NCOR2: variants seen among roughly 807,000 people sequenced by gnomAD.
The protein encoded by NCOR2 is CTG repeat protein 26.
A neutral mutation model predicts 262.9 loss-of-function variants in NCOR2; 81 were observed. The ratio of observed to expected loss-of-function variants is 0.31; its 90% CI spans 0.26 to 0.37. NCOR2 has a LOEUF of 0.37. Among genes scored for constraint, NCOR2 ranks in the 10% least tolerant of loss-of-function variants. The pLI is 1.00. For synonymous variants in NCOR2, 1,659 were observed against 1,559.3 expected, an observed-to-expected ratio of 1.06 and a Z score of -1.51; for missense variants, 3,385 against 3,621.4, an observed-to-expected ratio of 0.93 and a Z score of 1.68.
intron 15 of NCOR2, among the ~76,000 whole-genome samples, chr12:124,400,053 C>A (rs1250934802): frequency 1.3e-5 from 2 of 152,030 alleles, no homozygotes; most frequent in Non-Finnish European, 2.9e-5. Context: ...ACAACAGCCA[C>A]CTCATGGGAA....
chr12:124,438,933 A>G (rs147282808), intron 7 of NCOR2, among the ~76,000 whole-genome samples: 1 of 37,164 alleles, frequency 2.7e-5, no homozygotes, highest in African/African-American at 1.1e-4. Context: ...ACGGAGACCC[A>G]GAGACAGAGG....
At position 124,440,533 on chromosome 12, in the gene NCOR2, C is replaced by G. The variant is rs1037273536; in HGVS notation, c.816-2537G>C. On this transcript the variant is annotated intron_variant, in intron 7 of 46. Transcript: ENST00000405201. The surrounding 1 kb of genome is among the most constrained non-coding windows in gnomAD (Gnocchi z 5.7). ...GCACACCTCAGAAGCCCTCAGTTTCCTCATCTGAAATCTATGGCATCGCAG... is the reference window on the plus strand; with the variant it reads ...GCACACCTCAGAAGCCCTCAGTTTCGTCATCTGAAATCTATGGCATCGCAG... Among the ~76,000 whole-genome samples, 2 of 152,234 alleles carry G rather than the reference C, an allele frequency of 1.3e-5. No individual in the cohort carries two copies. Among genetic ancestry groups the G allele is most frequent in the Non-Finnish European group, 2.9e-5 (2 of 68,046 alleles).
intron 13 of NCOR2, among the ~76,000 whole-genome samples, chr12:124,411,275 G>A (rs2141246): frequency 1.4e-5 from 2 of 146,938 alleles, no homozygotes; most frequent in South Asian, 2.2e-4. Context: ...TACACACACA[G>A]AGAGAGAGAG....
At chr12:124,545,137 A>G (rs2051500404) in intron 1 of NCOR2, among the ~76,000 whole-genome samples, 3 of 152,092 alleles carry the variant, frequency 2.0e-5, no homozygotes, top group Admixed American at 6.5e-5. Context: ...GCCCCTTGCC[A>G]GCCTGCAACC....
At chr12:124,358,129 ATG>A (rs1326409480) in intron 22 of NCOR2, among the ~76,000 whole-genome samples, 8 of 88,752 alleles carry the variant, frequency 9.0e-5, no homozygotes, top group East Asian at 3.8e-4. Context: ...GAGTGCATGG[ATG>A]TGTGTGTGTG....
At chr12:124,464,313 G>A (rs958439615) in intron 5 of NCOR2, among the ~76,000 whole-genome samples, 16 of 152,232 alleles carry the variant, frequency 1.1e-4, no homozygotes, top group Admixed American at 3.9e-4. Flanking sequence ...CCACTGACCT[G>A]GCCTCCACAG....
At position 124,344,964 on chromosome 12, in the gene NCOR2, G is replaced by A. The variant is rs1276766164; in HGVS notation, c.4360-13C>T. On this transcript the variant is annotated splice_polypyrimidine_tract_variant and intron_variant, in intron 31 of 46. Coordinates refer to ENST00000405201, the Ensembl canonical transcript of NCOR2. ...TGAGCGGGGTGCCCTGGGGCAGAGG[G>A]GATGTAAGCTCTAGCCCTGGCCACA... is the stretch of plus-strand genomic sequence containing the variant. The A allele has an allele frequency of 5.9e-6, 9 of 1,523,102 alleles. No individual in the cohort carries two copies. Among genetic ancestry groups the A allele is most frequent in the East Asian group, 2.4e-5 (1 of 40,894 alleles). The allele number at this position is 1,523,102 out of a possible 1,614,324, so 94.3% of individuals were successfully genotyped here. A position where few individuals can be genotyped will look rare whatever the true frequency, so the allele number is the denominator to read the frequency against.
Position 124,483,460 on chromosome 12 carries a change from C to T in NCOR2, c.411+136G>A, listed in dbSNP as rs2047609269. The T allele has an allele frequency of 1.0e-6, 1 of 956,626 alleles. No homozygotes were observed. Among genetic ancestry groups the T allele is most frequent in the South Asian group, 1.9e-5 (1 of 53,406 alleles). The allele number at this position is 956,626 out of a possible 1,614,324, so 59.3% of individuals were successfully genotyped here. A position where few individuals can be genotyped will look rare whatever the true frequency, so the allele number is the denominator to read the frequency against. On this transcript the variant is annotated intron_variant, in intron 3 of 46. Coordinates refer to ENST00000405201, the Ensembl canonical transcript of NCOR2. The surrounding 1 kb of genome is among the most constrained non-coding windows in gnomAD (Gnocchi z 6.3). Reference sequence around the variant, plus strand: ...CTTCCTGCCACCCAGCTCTGTGCACCCGGTGCTTGGCCCACCTCCAAGCCT... The same window carrying T: ...CTTCCTGCCACCCAGCTCTGTGCACTCGGTGCTTGGCCCACCTCCAAGCCT...
intron 1 of NCOR2, among the ~76,000 whole-genome samples, chr12:124,502,672 G>A (rs2048811031): frequency 6.6e-6 from 1 of 152,106 alleles, no homozygotes; most frequent in African/African-American, 2.4e-5. Context: ...CCAGAAAGCT[G>A]GGGTGTTCAC....
intron 1 of NCOR2, among the ~76,000 whole-genome samples, chr12:124,559,516 G>A (rs891350796): frequency 3.3e-5 from 5 of 152,212 alleles, no homozygotes; most frequent in African/African-American, 4.8e-5. Context: ...ACTCCACAGG[G>A]CCAGCCTCTG....
chr12:124,546,191 T>C lies in NCOR2; in HGVS notation c.-164-10580A>G, dbSNP rs144897054. The stretch of plus-strand genomic sequence containing the variant: ...CTTAACCCTTCCGAGCCTGCCTGTT[T>C]CCTCGCCGTAAAATAGAAACTCAGC... On this transcript the variant is annotated intron_variant, in intron 1 of 32. Transcript: ENST00000458234. Among the ~76,000 whole-genome samples, 7 of 152,260 alleles carry C rather than the reference T, an allele frequency of 4.6e-5. No homozygotes were observed. The East Asian group carries it at 1.4e-3, about 29-fold the overall frequency.
chr12:124,481,186 A>C lies in NCOR2; in HGVS notation c.411+2410T>G, dbSNP rs923213961. 2.0e-5 allele frequency among the ~76,000 whole-genome samples: 3 copies of C among 150,218 alleles called. No individual in the cohort carries two copies. Among genetic ancestry groups the C allele is most frequent in the Non-Finnish European group, 4.4e-5 (3 of 67,502 alleles). ...GAAGGAGGGAGGAAGGTGTAGAAGG[A>C]GAGAAGGAAGGGGAGGAAGGGCAGG... On this transcript the variant is annotated intron_variant, in intron 3 of 46. Transcript: ENST00000405201. This position sits in a 1 kb window ranked among gnomAD's most constrained non-coding sequence, Gnocchi z 4.6.
At chr12:124,466,390 C>G (rs113339627) in intron 4 of NCOR2, 104 bp from the exon 7 acceptor site, 1 of 987,496 alleles carries the variant, frequency 1.0e-6, no homozygotes, top group Admixed American at 2.5e-5. Context: ...GGGCCACGGC[C>G]GCGCACAGGA....
intron 19 of NCOR2, among the ~76,000 whole-genome samples, chr12:124,373,073 T>G (rs1036373073): frequency 1.3e-5 from 2 of 152,228 alleles, no homozygotes; most frequent in East Asian, 3.9e-4. Context: ...GGGAGAACAA[T>G]AGTTCCCATC....
At chr12:124,409,381 C>A (rs939206304) in intron 13 of NCOR2, among the ~76,000 whole-genome samples, 1 of 152,178 alleles carries the variant, frequency 6.6e-6, no homozygotes, top group Non-Finnish European at 1.5e-5. Context: ...CTGGGGTGCT[C>A]CCCCGACTTC....
upstream of NCOR2, among the ~76,000 whole-genome samples, chr12:124,500,056 T>C (rs956425816): frequency 1.3e-5 from 2 of 151,872 alleles, no homozygotes; most frequent in Admixed American, 6.6e-5. Flanking sequence ...GAGAGGTGCC[T>C]GGGGAACAGC....
At chr12:124,359,599 C>T (rs527450803) in intron 22 of NCOR2, among the ~76,000 whole-genome samples, 12 of 152,370 alleles carry the variant, frequency 7.9e-5, no homozygotes, top group Admixed American at 2.6e-4. Context: ...CCTGCAAACG[C>T]CCTGGACCTG....
chr12:124,438,038 C>G (rs747248789), intron 7 of NCOR2, 42 bp from the exon 10 acceptor site: 1 of 1,571,614 alleles, frequency 6.4e-7, no homozygotes. Flanking sequence ...CCCGGCCGGG[C>G]TCAGGCGCTG....
At chr12:124,448,737 C>T (rs768840986) in intron 7 of NCOR2, among the ~76,000 whole-genome samples, 3 of 152,224 alleles carry the variant, frequency 2.0e-5, no homozygotes, top group Non-Finnish European at 2.9e-5. Context: ...TAGTCCAGCA[C>T]CAGCAGATGT....
Sources: gnomAD v4.1 joint callset for allele counts (sites outside exome capture counted in the v4.1 genomes callset) on GRCh38, gnomAD v4.1.1 for gene constraint, Gnocchi (gnomAD v3.1) non-coding constraint, MANE v1.5 for transcripts, NCBI Gene and HGNC (gene_info 2026-07-23, HGNC 2026-07-21) for gene names.